The following HDAC9 variants were observed in gnomAD, a reference collection of about 807,000 sequenced individuals.
HDAC9 encodes histone deacetylase 9, also known as MEF-2 interacting transcription repressor (MITR) protein.
HDAC9 carries 41 observed loss-of-function variants against 139.4 expected under a neutral mutation model. The ratio of observed to expected loss-of-function variants is 0.29; its 90% CI spans 0.23 to 0.38. The LOEUF (loss-of-function observed/expected upper bound fraction) is 0.38, where lower values mean the gene tolerates loss of function less well. Ranked by LOEUF, HDAC9 falls within the 10% of genes least tolerant of loss-of-function variation. HDAC9 has a pLI of 1.00. For missense variants in HDAC9, 1,147 were observed against 1,297.0 expected (o/e 0.88, Z 1.78); for synonymous variants, 517 against 476.2 (o/e 1.09, Z -1.12).
At chr7:18,369,540 A>T (rs1341640738) in intron 1 of HDAC9, among the ~76,000 whole-genome samples, 5 of 151,514 alleles carry the variant, frequency 3.3e-5, no homozygotes, top group Non-Finnish European at 2.9e-5. Flanking sequence ...TTACCTGGAA[A>T]TCCTGGGAAT....
chr7:18,957,748 G>A (rs982107330), intron 24 of HDAC9, among the ~76,000 whole-genome samples: 1 of 152,114 alleles, frequency 6.6e-6, no homozygotes, highest in Non-Finnish European at 1.5e-5. Context: ...TGTTCAACAG[G>A]AGCACTTCCT....
chr7:18,519,576 A>C (rs1221170675), intron 2 of HDAC9, among the ~76,000 whole-genome samples: 1 of 152,160 alleles, frequency 6.6e-6, no homozygotes, highest in African/African-American at 2.4e-5. Flanking sequence ...ACATTATGGG[A>C]GTAAAAATAA....
Position 18,518,275 on chromosome 7 carries a change from A to G in HDAC9, c.22+21951A>G, listed in dbSNP as rs545377865. 2.6e-5 allele frequency among the ~76,000 whole-genome samples: 4 copies of G among 152,326 alleles called. No individual in the cohort carries two copies. In the South Asian group the frequency reaches 8.3e-4, roughly 32 times the overall value. ...ATACGAATCAAAATCAAGAGTTTGA[A>G]GTAACCCAGAAAGAGACTTGGAGAG... On this transcript the variant is annotated intron_variant, in intron 2 of 25. Transcript: ENST00000686413.
At position 18,495,943 on chromosome 7, in the gene HDAC9, C is replaced by G. The variant is rs1796825980; in HGVS notation, c.-122C>G. 6 of 1,244,312 alleles carry G rather than the reference C, an allele frequency of 4.8e-6. No individual in the cohort carries two copies. Among genetic ancestry groups the G allele is most frequent in the Non-Finnish European group, 6.0e-6 (6 of 995,248 alleles). The allele number at this position is 1,244,312 out of a possible 1,614,324, so 77.1% of individuals were successfully genotyped here. A position where few individuals can be genotyped will look rare whatever the true frequency, so the allele number is the denominator to read the frequency against. On this transcript the variant is annotated 5_prime_UTR_variant, in exon 1 of 26. Transcript: ENST00000686413. ...ATAACCCCGAAGCACGTTCCTATTT[C>G]CCACCTGCTTGTAGTTTCCGGGATA...
intron 17 of HDAC9, among the ~76,000 whole-genome samples, chr7:18,809,096 T>A (rs1793964623): frequency 6.6e-6 from 1 of 152,104 alleles, no homozygotes; most frequent in African/African-American, 2.4e-5. Context: ...GGGGAAAGGA[T>A]AATCTCTTCA....
intron 12 of HDAC9, among the ~76,000 whole-genome samples, chr7:18,714,419 C>A (rs1784557790): frequency 6.6e-6 from 1 of 152,144 alleles, no homozygotes. Flanking sequence ...GAGTCAGCCT[C>A]CTTAGATAGG....
chr7:18,359,611 G>C (rs1451340983), intron 1 of HDAC9, among the ~76,000 whole-genome samples: 3 of 152,082 alleles, frequency 2.0e-5, no homozygotes, highest in Non-Finnish European at 4.4e-5. Context: ...AGGTTGCTTT[G>C]GTGATTTTTT....
Position 18,741,022 on chromosome 7 carries a change from G to A in HDAC9, c.1910-7983G>A, listed in dbSNP as rs185738458. On this transcript the variant is annotated intron_variant, in intron 13 of 25. Transcript: ENST00000686413. ...GTTGCTGAAGAAAAGTTGAAAGCCA[G>A]CAGAGGTTGGCTCTTGAGGTTTAAG... 4.1e-4 allele frequency among the ~76,000 whole-genome samples: 63 copies of A among 152,304 alleles called. No individual in the cohort carries two copies. In the Middle Eastern group the frequency reaches 0.01, roughly 25 times the overall value.
At chr7:18,630,947 C>T (rs1319193471) in intron 7 of HDAC9, among the ~76,000 whole-genome samples, 1 of 152,076 alleles carries the variant, frequency 6.6e-6, no homozygotes, top group African/African-American at 2.4e-5. Flanking sequence ...AACAGCAAAA[C>T]TTCTAGAAAA....
chr7:18,618,726 GTATA>G (rs71014394), intron 6 of HDAC9, among the ~76,000 whole-genome samples: 14,075 of 119,564 alleles, frequency 0.12, 797 homozygotes, highest in Non-Finnish European at 0.13. Context: ...ACAGAATTTT[GTATA>G]TATATATATA....
At chr7:18,455,427 A>G (rs1793254072) in intron 1 of HDAC9, among the ~76,000 whole-genome samples, 1 of 152,182 alleles carries the variant, frequency 6.6e-6, no homozygotes, top group South Asian at 2.1e-4. Context: ...AGAATCCTGT[A>G]TAATTACAGC....
At chr7:18,444,125 G>T (rs771544012) in intron 1 of HDAC9, among the ~76,000 whole-genome samples, 2 of 151,514 alleles carry the variant, frequency 1.3e-5, no homozygotes, top group African/African-American at 4.9e-5. Flanking sequence ...GATCACCTGC[G>T]GTCAGGAGTT....
At chr7:18,312,997 A>G (rs191697090) in intron 1 of HDAC9, among the ~76,000 whole-genome samples, 1 of 152,198 alleles carries the variant, frequency 6.6e-6, no homozygotes, top group Admixed American at 6.5e-5. Context: ...TTGTCTTCCT[A>G]TAATTCGTAG....
chr7:18,811,463 C>G (rs1562958049), intron 17 of HDAC9, among the ~76,000 whole-genome samples: 1 of 151,554 alleles, frequency 6.6e-6, no homozygotes, highest in East Asian at 1.9e-4. Context: ...GTCTGATTTT[C>G]TCTTTGAGTT....
At position 18,519,072 on chromosome 7, in the gene HDAC9, C is replaced by T. The variant is rs1463164767; in HGVS notation, c.22+22748C>T. 3.9e-5 allele frequency among the ~76,000 whole-genome samples: 6 copies of T among 152,062 alleles called. No homozygotes were observed. The South Asian group carries it at 1.2e-3, about 32-fold the overall frequency. ...TGATAAATACTATGTATAGAATTAA[C>T]CTAAAGTTTAGTTTGAAGACCCTAC... On this transcript the variant is annotated intron_variant, in intron 2 of 25. Coordinates refer to ENST00000686413, the MANE Select transcript of HDAC9 (RefSeq NM_178425.4).
At chr7:18,843,839 G>A (rs1796739609) in intron 21 of HDAC9, among the ~76,000 whole-genome samples, 1 of 152,010 alleles carries the variant, frequency 6.6e-6, no homozygotes, top group Non-Finnish European at 1.5e-5. Flanking sequence ...TAAATATAAT[G>A]GCTTACTAGT....
chr7:18,620,242 T>TTG (rs113118805), intron 6 of HDAC9, among the ~76,000 whole-genome samples: 2,359 of 152,294 alleles, frequency 0.015, 53 homozygotes, highest in African/African-American at 0.054. Flanking sequence ...ATTCAATAGC[T>TTG]GTTAATCGAA....
intron 1 of HDAC9, among the ~76,000 whole-genome samples, chr7:18,340,948 C>A (rs554644366): frequency 1.7e-3 from 263 of 151,026 alleles, no homozygotes; most frequent in Middle Eastern, 6.9e-3. Flanking sequence ...TTGAAGAAGT[C>A]TTTTCCATTT....
chr7:18,620,410 A>G (rs1326630427), intron 6 of HDAC9, among the ~76,000 whole-genome samples: 1 of 152,096 alleles, frequency 6.6e-6, no homozygotes, highest in Non-Finnish European at 1.5e-5. Flanking sequence ...AATGTCATAA[A>G]AATTTTAGGA....
Sources: gnomAD v4.1 joint callset for allele counts (sites outside exome capture counted in the v4.1 genomes callset) on GRCh38, gnomAD v4.1.1 for gene constraint, MANE v1.5 for transcripts, NCBI Gene and HGNC (gene_info 2026-07-23, HGNC 2026-07-21) for gene names.